Variants in CDK8 observed in about 807,000 individuals in gnomAD.
CDK8 encodes cyclin-dependent kinase 8.
In CDK8, 29 loss-of-function variants were observed where a neutral mutation model predicts 71.5. The observed-to-expected ratio is 0.41, with a 90% CI of 0.30 to 0.55. The LOEUF is 0.55. Ranked by LOEUF, CDK8 falls within the 20% of genes least tolerant of loss-of-function variation. The probability of loss-of-function intolerance (pLI) is 0.37; values close to 1 mark genes in which losing one functional copy is unlikely to be tolerated. For missense variants in CDK8, 288 were observed against 572.6 expected (o/e 0.50, Z 5.07); for synonymous variants, 161 against 192.1 (o/e 0.84, Z 1.34).
At chr13:26,273,664 A>AAT (rs71658821) in intron 1 of CDK8, among the ~76,000 whole-genome samples, 3,371 of 150,424 alleles carry the variant, frequency 0.022, 49 homozygotes, top group African/African-American at 0.034. Context: ...TGCTTTAAAA[A>AAT]ATATATATAT....
chr13:26,321,125 T>C (rs376733952), intron 1 of CDK8, among the ~76,000 whole-genome samples: 60 of 152,218 alleles, frequency 3.9e-4, no homozygotes, highest in African/African-American at 1.4e-3. Flanking sequence ...TTATTCACAA[T>C]AGCTAAAACA....
At chr13:26,287,328 G>A (rs1316559465) in intron 1 of CDK8, among the ~76,000 whole-genome samples, 1 of 152,130 alleles carries the variant, frequency 6.6e-6, no homozygotes, top group Admixed American at 6.6e-5. Context: ...GAGTGCAGTG[G>A]TGCGATCTCG....
chr13:26,276,400 C>G lies in CDK8; in HGVS notation c.128+21631C>G, dbSNP rs140756217. Among the ~76,000 whole-genome samples, 357 of 152,222 alleles carry G rather than the reference C, an allele frequency of 2.3e-3. 2 individuals are homozygous for G. Among genetic ancestry groups the G allele is most frequent in the Admixed American group, 7.2e-3 (110 of 15,284 alleles). On this transcript the variant is annotated intron_variant, in intron 1 of 12. Coordinates refer to ENST00000381527, the MANE Select transcript of CDK8 (RefSeq NM_001260.3). Reference sequence around the variant, plus strand: ...TGACATCTTATATGTGATTTATGAGCTCTTGAGCTTGAGCAGTTCATTCAG... The same window carrying G: ...TGACATCTTATATGTGATTTATGAGGTCTTGAGCTTGAGCAGTTCATTCAG...
chr13:26,360,676 T>A (rs1271411944), intron 4 of CDK8, among the ~76,000 whole-genome samples: 1 of 152,176 alleles, frequency 6.6e-6, no homozygotes. Context: ...AATACACAAT[T>A]TGTGTATACA....
intron 1 of CDK8, among the ~76,000 whole-genome samples, chr13:26,285,142 G>C (rs548161413): frequency 6.6e-6 from 1 of 152,318 alleles, no homozygotes; most frequent in Non-Finnish European, 1.5e-5. Flanking sequence ...AGGAGGCTGA[G>C]GCAGGAGAAT....
chr13:26,330,600 A>G (rs1357466312), intron 1 of CDK8, among the ~76,000 whole-genome samples: 2 of 151,586 alleles, frequency 1.3e-5, no homozygotes, highest in African/African-American at 4.8e-5. Flanking sequence ...TCTCTCTGTT[A>G]TCTGTTTTTC....
Position 26,397,205 on chromosome 13 carries a change from G to C in CDK8, c.913G>C (p.Asp305His). 2 of 1,597,056 alleles carry C rather than the reference G, an allele frequency of 1.3e-6. No homozygotes were observed. Among genetic ancestry groups the C allele is most frequent in the Non-Finnish European group, 1.7e-6 (2 of 1,167,468 alleles). ...KYMEKHKVKP[D>H]SKAFHLLQKL... ...TATGGAAAAACATAAAGTTAAACCAGATAGTAAAGCATTCCACTTGGTAAG... is the reference window on the plus strand; with the variant it reads ...TATGGAAAAACATAAAGTTAAACCACATAGTAAAGCATTCCACTTGGTAAG... Residue 305 changes from aspartate to histidine, a missense_variant, in exon 9 of 13, where the codon GAT becomes CAT. Around this residue, in one of 6 missense-constraint regions of CDK8, gnomAD observed 96 missense variants for 229.8 expected, o/e 0.42. Coordinates refer to ENST00000381527, the MANE Select transcript of CDK8 (RefSeq NM_001260.3).
At chr13:26,356,583 A>T (rs1873908808) in intron 4 of CDK8, among the ~76,000 whole-genome samples, 1 of 152,180 alleles carries the variant, frequency 6.6e-6, no homozygotes, top group Non-Finnish European at 1.5e-5. Context: ...TCAATTTCTG[A>T]AGAAAAATCT....
rs114865764 is a variant in CDK8, at chr13:26,274,328, A to G, written c.128+19559A>G. Among the ~76,000 whole-genome samples, 577 of 152,092 alleles carry G rather than the reference A, an allele frequency of 3.8e-3. 2 individuals are homozygous for G. The highest frequency in any genetic ancestry group is 0.013 in the African/African-American group (531 of 41,510). ...AACCTATGGAATTTTGGTTTTATTT[A>G]CATTTGTTTAACATTTAAATTTTTA... is the stretch of plus-strand genomic sequence containing the variant. On this transcript the variant is annotated intron_variant, in intron 1 of 12. Transcript: ENST00000381527.
chr13:26,311,177 G>A (rs1485816284), intron 1 of CDK8, among the ~76,000 whole-genome samples: 1 of 150,214 alleles, frequency 6.7e-6, no homozygotes, highest in East Asian at 2.0e-4. Flanking sequence ...ATATTTTACT[G>A]AAAAAAAATG....
intron 4 of CDK8, among the ~76,000 whole-genome samples, chr13:26,382,315 A>G (rs1875266383): frequency 6.6e-6 from 1 of 152,212 alleles, no homozygotes; most frequent in Admixed American, 6.5e-5. Context: ...TACTTGACTA[A>G]CTTGTTTCTA....
intron 1 of CDK8, among the ~76,000 whole-genome samples, chr13:26,278,595 G>A (rs1325282929): frequency 2.0e-5 from 3 of 152,186 alleles, no homozygotes; most frequent in African/African-American, 7.2e-5. Flanking sequence ...TTCCTGAACT[G>A]TCTTACATTG....
At chr13:26,261,028 G>A (rs981923626) in intron 1 of CDK8, among the ~76,000 whole-genome samples, 3 of 152,084 alleles carry the variant, frequency 2.0e-5, no homozygotes, top group African/African-American at 7.2e-5. Context: ...ACCAGATTAC[G>A]TAGCCTTGGT....
intron 4 of CDK8, among the ~76,000 whole-genome samples, chr13:26,372,834 C>T (rs770793963): frequency 2.0e-5 from 3 of 152,104 alleles, no homozygotes; most frequent in Non-Finnish European, 2.9e-5. Context: ...TGTTGTCAAA[C>T]CATCACTCTC....
intron 4 of CDK8, among the ~76,000 whole-genome samples, chr13:26,368,095 G>C (rs765333639): frequency 2.0e-5 from 3 of 152,140 alleles, no homozygotes; most frequent in Non-Finnish European, 4.4e-5. Context: ...TAGTTGTAGA[G>C]GTTCACCTTG....
At chr13:26,260,192 AT>A (rs893633911) in intron 1 of CDK8, among the ~76,000 whole-genome samples, 1 of 151,946 alleles carries the variant, frequency 6.6e-6, no homozygotes, top group Admixed American at 6.6e-5. Flanking sequence ...CCTGGCCAGC[AT>A]TTTTTGAGTT....
Position 26,254,489 on chromosome 13 carries a change from C to A in CDK8, c.-153C>A. On this transcript the variant is annotated 5_prime_UTR_variant, in exon 1 of 13. Coordinates refer to ENST00000381527, the MANE Select transcript of CDK8 (RefSeq NM_001260.3). The surrounding 1 kb of genome is among the most constrained non-coding windows in gnomAD (Gnocchi z 6.7). The stretch of plus-strand genomic sequence containing the variant: ...GTCCCTGGCGCTTTCGCGGGGCCTC[C>A]TCCTGCTCTTGCCGCATCAGTCGGG... 1.7e-6 allele frequency: 1 copy of A among 603,378 alleles called. No homozygotes were observed. Among genetic ancestry groups the A allele is most frequent in the Non-Finnish European group, 2.8e-6 (1 of 358,864 alleles). The allele number at this position is 603,378 out of a possible 1,614,324, so 37.4% of individuals were successfully genotyped here. A position where few individuals can be genotyped will look rare whatever the true frequency, so the allele number is the denominator to read the frequency against.
At chr13:26,396,384 G>C in intron 8 of CDK8, 30 bp downstream of exon 8, 1 of 1,117,656 alleles carries the variant, frequency 8.9e-7, no homozygotes, top group Non-Finnish European at 1.3e-6. Flanking sequence ...ACTCCTTGTT[G>C]ATTTTTGCTT....
chr13:26,296,823 A>G (rs1433575111), intron 1 of CDK8, among the ~76,000 whole-genome samples: 1 of 152,168 alleles, frequency 6.6e-6, no homozygotes, highest in African/African-American at 2.4e-5. Context: ...TAGGTCTATG[A>G]AACTGAGACC....
Sources: allele counts gnomAD v4.1 joint callset (sites outside exome capture counted in the v4.1 genomes callset), GRCh38; gene constraint gnomAD v4.1.1; regional missense constraint gnomAD v4.1.1; non-coding constraint Gnocchi (gnomAD v3.1); transcripts MANE v1.5; gene names NCBI Gene and HGNC (gene_info 2026-07-23, HGNC 2026-07-21).